The following FASTKD1 variants were observed in gnomAD, a reference collection of about 807,000 sequenced individuals.
FASTKD1 encodes FAST kinase domain-containing protein 1, mitochondrial.
Under a neutral mutation model 90.9 loss-of-function variants are expected in FASTKD1, and 94 were observed. That is an observed-to-expected ratio of 1.03 (90% confidence interval 0.88 to 1.23). The LOEUF (loss-of-function observed/expected upper bound fraction) is 1.23. FASTKD1 is among the 50% of genes most tolerant of loss of function. The probability of loss-of-function intolerance (pLI) is 0.00; values close to 1 mark genes in which losing one functional copy is unlikely to be tolerated. For missense variants in FASTKD1, 945 were observed against 993.5 expected, an observed-to-expected ratio of 0.95 and a Z score of 0.66; for synonymous variants, 319 against 345.8, an observed-to-expected ratio of 0.92 and a Z score of 0.86.
chr2:169,529,640 T>C lies in FASTKD1; in HGVS notation c.*185A>G, dbSNP rs146296709. ...TGACTCTGTTATCTCTTATCTTTTCTCTTATACACTCCCACCCCACTCCCC... is the reference window on the plus strand; with the variant it reads ...TGACTCTGTTATCTCTTATCTTTTCCCTTATACACTCCCACCCCACTCCCC... On this transcript the variant is annotated 3_prime_UTR_variant, in exon 15 of 15. Coordinates refer to ENST00000453153, the MANE Select transcript of FASTKD1 (RefSeq NM_024622.6). 4.5e-5 allele frequency: 24 copies of C among 531,344 alleles called. No homozygotes were observed. Among genetic ancestry groups the C allele is most frequent in the African/African-American group, 4.4e-4 (23 of 52,004 alleles). 32.9% of individuals were successfully genotyped at this position (531,344 alleles called of 1,614,324 possible).
At position 169,528,624 on chromosome 2, in the gene FASTKD1, C is replaced by A. The variant is rs1684357302; in HGVS notation, c.*1201G>T. Among the ~76,000 whole-genome samples the A allele has an allele frequency of 6.6e-6, 1 of 152,190 alleles. No individual in the cohort carries two copies. Among genetic ancestry groups the A allele is most frequent in the South Asian group, 2.1e-4 (1 of 4,822 alleles). On this transcript the variant is annotated 3_prime_UTR_variant, in exon 15 of 15. Coordinates refer to ENST00000453153, the MANE Select transcript of FASTKD1 (RefSeq NM_024622.6). Reference sequence around the variant, plus strand: ...GGTCCACTCAGCTACTACCCCATTTCTTTGCTTCCATTTAGGAGAAAATGT... The same window carrying A: ...GGTCCACTCAGCTACTACCCCATTTATTTGCTTCCATTTAGGAGAAAATGT...
At position 169,563,206 on chromosome 2, in the gene FASTKD1, A is replaced by G. The variant is rs368368046; in HGVS notation, c.572+19T>C. 2 of 1,606,312 alleles carry G rather than the reference A, an allele frequency of 1.2e-6. No individual in the cohort carries two copies. The highest frequency in any genetic ancestry group is 1.7e-6 in the Non-Finnish European group (2 of 1,177,198). On this transcript the variant is annotated intron_variant, in intron 4 of 14. Transcript: ENST00000453153. ...CAGGATCTTTCCACCACAACACAAG[A>G]TTCCCTAAATAAATTTACCTTAAGT...
intron 7 of FASTKD1, among the ~76,000 whole-genome samples, chr2:169,553,270 G>GAAAA (rs1559149845): frequency 1.3e-4 from 1 of 7,502 alleles, no homozygotes; most frequent in African/African-American, 3.5e-4. Context: ...TTAAAAGCAT[G>GAAAA]CAAAAAAAAA....
intron 4 of FASTKD1, among the ~76,000 whole-genome samples, chr2:169,561,852 T>A (rs1683657751): frequency 7.0e-6 from 1 of 143,554 alleles, no homozygotes; most frequent in African/African-American, 2.6e-5. Context: ...TATTTATTAA[T>A]TTATTGTAAA....
At chr2:169,555,033 A>G in intron 7 of FASTKD1, 91 bp downstream of exon 7, 2 of 1,262,620 alleles carry the variant, frequency 1.6e-6, no homozygotes, top group South Asian at 3.0e-5. Context: ...TTTTGCCTCC[A>G]TAACTTCTAG....
At chr2:169,564,912 G>A (rs1351272620) in intron 3 of FASTKD1, among the ~76,000 whole-genome samples, 1 of 150,816 alleles carries the variant, frequency 6.6e-6, no homozygotes, top group Non-Finnish European at 1.5e-5. Context: ...TTTTTTTTAC[G>A]GCTGAATATT....
At chr2:169,572,483 C>T (rs1238617848) in intron 1 of FASTKD1, among the ~76,000 whole-genome samples, 1 of 151,484 alleles carries the variant, frequency 6.6e-6, no homozygotes, top group Non-Finnish European at 1.5e-5. Flanking sequence ...AAATAATCAC[C>T]TTCAAAGTTT....
At chr2:169,564,720 C>T (rs187774569) in intron 3 of FASTKD1, among the ~76,000 whole-genome samples, 3 of 152,156 alleles carry the variant, frequency 2.0e-5, no homozygotes, top group East Asian at 1.9e-4. Context: ...CACAATCGCC[C>T]GTTACCCTTC....
chr2:169,566,754 T>C (rs1684006596), intron 3 of FASTKD1, among the ~76,000 whole-genome samples: 1 of 152,154 alleles, frequency 6.6e-6, no homozygotes, highest in Non-Finnish European at 1.5e-5. Context: ...ATGTTAATTA[T>C]CCTTGCCATG....
At chr2:169,553,791 G>A (rs1475868704) in intron 7 of FASTKD1, among the ~76,000 whole-genome samples, 7 of 151,926 alleles carry the variant, frequency 4.6e-5, no homozygotes, top group East Asian at 1.9e-4. Flanking sequence ...GTGTGGCGGC[G>A]GGCACCTGTA....
At chr2:169,566,500 C>A (rs1683992568) in intron 3 of FASTKD1, among the ~76,000 whole-genome samples, 1 of 152,010 alleles carries the variant, frequency 6.6e-6, no homozygotes. Context: ...ATTCCTTGAG[C>A]CCAGGAGTTC....
At chr2:169,536,766 A>G (rs1286572029) in intron 12 of FASTKD1, among the ~76,000 whole-genome samples, 1 of 152,224 alleles carries the variant, frequency 6.6e-6, no homozygotes, top group Non-Finnish European at 1.5e-5. Flanking sequence ...CAGTTGAGAA[A>G]CAAGATTAAT....
At position 169,537,242 on chromosome 2, in the gene FASTKD1, A is replaced by C. The variant is rs1252513547; in HGVS notation, c.2173T>G (p.Tyr725Asp). 1 of 1,605,298 alleles carries C rather than the reference A, an allele frequency of 6.2e-7. No individual in the cohort carries two copies. The highest frequency in any genetic ancestry group is 1.3e-5 in the African/African-American group (1 of 74,742). The part of the protein sequence containing the change: ...NCVKASVLTP[Y>D]YHKVDFECIL... ...AATAACTTACCTACTTTGTGGTAAT[A>C]AGGCGTAAGAACCGAGGCTTTTACA... Residue 725 changes from tyrosine (Y) to aspartate (D), a missense_variant, in exon 12 of 15, where the codon TAT (tyrosine) becomes GAT (aspartate). By Grantham distance (160) the Tyr-to-Asp change is radical. Coordinates refer to ENST00000453153, the MANE Select transcript of FASTKD1 (RefSeq NM_024622.6).
Position 169,569,269 on chromosome 2 carries a change from G to C in FASTKD1, c.378-17C>G. 1 of 1,609,176 alleles carries C rather than the reference G, an allele frequency of 6.2e-7. No individual in the cohort carries two copies. Among genetic ancestry groups the C allele is most frequent in the Non-Finnish European group, 8.5e-7 (1 of 1,175,752 alleles). ...CCAGCAAACCTTAATAAAAAAGAAAGAATCCTCCATACATAATCATTTTAA... is the reference window on the plus strand; with the variant it reads ...CCAGCAAACCTTAATAAAAAAGAAACAATCCTCCATACATAATCATTTTAA... On this transcript the variant is annotated splice_polypyrimidine_tract_variant and intron_variant, in intron 2 of 14. Coordinates refer to ENST00000453153, the MANE Select transcript of FASTKD1 (RefSeq NM_024622.6).
At chr2:169,533,071 C>A (rs867211033) in intron 12 of FASTKD1, among the ~76,000 whole-genome samples, 1 of 151,928 alleles carries the variant, frequency 6.6e-6, no homozygotes, top group African/African-American at 2.4e-5. Flanking sequence ...ACCTTCAATC[C>A]TTGATCATTG....
In FASTKD1 at chr2:169,546,462, T is replaced by G; in HGVS notation, c.1457A>C (p.Tyr486Ser). The change falls in exon 8 of 15, where the codon TAT becomes TCT. Residue 486 changes from tyrosine to serine, a missense_variant. By Grantham distance (144) the Tyr-to-Ser change is moderately radical. Coordinates refer to ENST00000453153, the MANE Select transcript of FASTKD1 (RefSeq NM_024622.6). ...GCTGTGTTGTAGTCTCTGACGACCATAGTGATCTAATTTTTGAAGTAGTTT... is the reference window on the plus strand; with the variant it reads ...GCTGTGTTGTAGTCTCTGACGACCAGAGTGATCTAATTTTTGAAGTAGTTT... ...QLKLLQKLDH[Y>S]GRQRLQHSNS... 1 of 1,614,212 alleles carries G rather than the reference T, an allele frequency of 6.2e-7. No homozygotes were observed. Among genetic ancestry groups the G allele is most frequent in the Non-Finnish European group, 8.5e-7 (1 of 1,180,032 alleles).
intron 4 of FASTKD1, among the ~76,000 whole-genome samples, chr2:169,561,748 A>ATAAATTATTAATTTATTG (rs1683622966): frequency 1.3e-5 from 1 of 74,286 alleles, no homozygotes; most frequent in African/African-American, 4.2e-5. Flanking sequence ...ATTATTCATT[A>ATAAATTATTAATTTATTG]TAAATTATTT....
In FASTKD1 at chr2:169,540,579, T is replaced by G. The variant is rs1248396384; in HGVS notation, c.1817-400A>C. On this transcript the variant is annotated intron_variant, in intron 9 of 14. Transcript: ENST00000453153. ...ATGTAAAAAGAAGTGATCCCAGTGT[T>G]GATGATAATAATACAATAGTGTTCA... Among the ~76,000 whole-genome samples the G allele has an allele frequency of 3.3e-5, 5 of 152,228 alleles. No homozygotes were observed. In the East Asian group the frequency reaches 9.6e-4, roughly 29 times the overall value.
At chr2:169,551,250 T>C (rs1685476561) in intron 7 of FASTKD1, among the ~76,000 whole-genome samples, 1 of 152,162 alleles carries the variant, frequency 6.6e-6, no homozygotes, top group Non-Finnish European at 1.5e-5. Flanking sequence ...GATGAGGACA[T>C]GCATACCCTA....
Sources: gnomAD v4.1 joint callset for allele counts (sites outside exome capture counted in the v4.1 genomes callset) on GRCh38, gnomAD v4.1.1 for gene constraint, MANE v1.5 for transcripts, NCBI Gene and HGNC (gene_info 2026-07-23, HGNC 2026-07-21) for gene names.